EPHA6: variants seen among roughly 807,000 people sequenced by gnomAD.
EPHA6 encodes ephrin type-A receptor 6.
Under a neutral mutation model 112.0 loss-of-function variants are expected in EPHA6, and 50 were observed. The observed-to-expected ratio is 0.45, with a 90% CI of 0.36 to 0.56. EPHA6 has a LOEUF of 0.56. EPHA6 is among the 20% of genes least tolerant of loss of function. The pLI is 0.00. For missense variants in EPHA6, 1,280 were observed against 1,417.4 expected, an observed-to-expected ratio of 0.90 and a Z score of 1.56; for synonymous variants, 529 against 490.7, an observed-to-expected ratio of 1.08 and a Z score of -1.03.
chr3:96,901,025 G>C (rs963149563), intron 2 of EPHA6, among the ~76,000 whole-genome samples: 5 of 152,054 alleles, frequency 3.3e-5, no homozygotes, highest in South Asian at 2.1e-4. Flanking sequence ...AGGAAGTGGT[G>C]ATCAGTGTTG....
intron 2 of EPHA6, among the ~76,000 whole-genome samples, chr3:96,889,831 CA>C: frequency 6.6e-6 from 1 of 152,228 alleles, no homozygotes; most frequent in South Asian, 2.1e-4. Flanking sequence ...CAGGGATAGA[CA>C]AATTTACTAG....
intron 10 of EPHA6, among the ~76,000 whole-genome samples, chr3:97,524,547 G>T (rs1355334832): frequency 2.0e-5 from 3 of 151,964 alleles, no homozygotes; most frequent in East Asian, 3.9e-4. Context: ...CTCAATTTGA[G>T]TATATGTTTA....
chr3:97,722,650 A>G (rs551786332), intron 15 of EPHA6, among the ~76,000 whole-genome samples: 59 of 152,260 alleles, frequency 3.9e-4, no homozygotes, highest in African/African-American at 1.3e-3. Context: ...AATCGATAAG[A>G]GACATAGTAT....
intron 3 of EPHA6, among the ~76,000 whole-genome samples, chr3:96,988,634 T>G (rs886131963): frequency 2.0e-5 from 3 of 152,174 alleles, no homozygotes; most frequent in African/African-American, 7.2e-5. Flanking sequence ...ATGGGTGTTA[T>G]GTATGATGTT....
intron 5 of EPHA6, among the ~76,000 whole-genome samples, chr3:97,392,352 G>T (rs906253289): frequency 6.6e-6 from 1 of 151,468 alleles, no homozygotes; most frequent in Non-Finnish European, 1.5e-5. Context: ...CTTCTGTTTT[G>T]CTCTTCTTAC....
chr3:96,953,560 T>G (rs74710767), intron 2 of EPHA6, among the ~76,000 whole-genome samples: 4,278 of 152,290 alleles, frequency 0.028, 198 homozygotes, highest in African/African-American at 0.095. Flanking sequence ...TTTCCAAGTC[T>G]TCTTTTTAAA....
At chr3:97,688,741 G>GA (rs949723873) in intron 14 of EPHA6, among the ~76,000 whole-genome samples, 1 of 150,192 alleles carries the variant, frequency 6.7e-6, no homozygotes, top group Non-Finnish European at 1.5e-5. Flanking sequence ...AAAAGAACTA[G>GA]AAAAAAAAGT....
intron 6 of EPHA6, among the ~76,000 whole-genome samples, chr3:97,424,153 G>T (rs1381781048): frequency 6.6e-6 from 1 of 152,186 alleles, no homozygotes; most frequent in Admixed American, 6.5e-5. Context: ...GAGCAAGTTT[G>T]TGCATAGGAA....
At chr3:97,350,893 A>G (rs2083779437) in intron 5 of EPHA6, among the ~76,000 whole-genome samples, 1 of 152,172 alleles carries the variant, frequency 6.6e-6, no homozygotes, top group South Asian at 2.1e-4. Flanking sequence ...AACAATAGGA[A>G]GGAAAAGATA....
At chr3:97,122,961 T>C (rs935235569) in intron 3 of EPHA6, among the ~76,000 whole-genome samples, 1 of 152,044 alleles carries the variant, frequency 6.6e-6, no homozygotes, top group African/African-American at 2.4e-5. Context: ...TTTAGATCTC[T>C]TTGTATACAA....
intron 6 of EPHA6, among the ~76,000 whole-genome samples, chr3:97,444,489 G>A (rs906514293): frequency 6.6e-6 from 1 of 152,132 alleles, no homozygotes; most frequent in Non-Finnish European, 1.5e-5. Flanking sequence ...GATTACGTAA[G>A]CTACACCTAA....
At chr3:96,878,833 G>C (rs995326901) in intron 2 of EPHA6, among the ~76,000 whole-genome samples, 2 of 151,928 alleles carry the variant, frequency 1.3e-5, no homozygotes, top group Non-Finnish European at 2.9e-5. Context: ...AAGTTGAATG[G>C]TGAAAAACAT....
intron 3 of EPHA6, among the ~76,000 whole-genome samples, chr3:96,993,499 C>T (rs2043292236): frequency 6.6e-6 from 1 of 152,062 alleles, no homozygotes; most frequent in South Asian, 2.1e-4. Context: ...TCCCAAACTG[C>T]TGGGATTACA....
chr3:97,176,214 A>G (rs988192847), intron 3 of EPHA6, among the ~76,000 whole-genome samples: 2 of 151,866 alleles, frequency 1.3e-5, no homozygotes, highest in East Asian at 1.9e-4. Flanking sequence ...TTATTTGCAT[A>G]TATTGAACCA....
intron 3 of EPHA6, among the ~76,000 whole-genome samples, chr3:97,221,703 C>A (rs2078206182): frequency 6.6e-6 from 1 of 151,994 alleles, no homozygotes; most frequent in Admixed American, 6.6e-5. Context: ...TAGCATTCAC[C>A]ATTTATTTAC....
intron 2 of EPHA6, among the ~76,000 whole-genome samples, chr3:96,869,315 A>G (rs2036504386): frequency 6.6e-6 from 1 of 151,852 alleles, no homozygotes; most frequent in Non-Finnish European, 1.5e-5. Flanking sequence ...AGAATAATAA[A>G]AGGAGAGGTT....
chr3:96,949,993 CCT>C (rs2041456651), intron 2 of EPHA6, among the ~76,000 whole-genome samples: 1 of 152,098 alleles, frequency 6.6e-6, no homozygotes, highest in Non-Finnish European at 1.5e-5. Context: ...CCTTACTTTT[CCT>C]TAAAATTTAT....
chr3:97,440,373 AG>A (rs1252643178), intron 6 of EPHA6, among the ~76,000 whole-genome samples: 2 of 152,078 alleles, frequency 1.3e-5, no homozygotes, highest in Admixed American at 1.3e-4. Flanking sequence ...TTTTCTAAAG[AG>A]TTTGATTTCC....
intron 11 of EPHA6, among the ~76,000 whole-genome samples, chr3:97,542,804 G>T (rs546285143): frequency 6.6e-6 from 1 of 152,258 alleles, no homozygotes; most frequent in East Asian, 1.9e-4. Flanking sequence ...GTGTGAGATG[G>T]TATCCCATTG....
Sources: gnomAD v4.1 joint callset for allele counts (sites outside exome capture counted in the v4.1 genomes callset) on GRCh38, gnomAD v4.1.1 for gene constraint, MANE v1.5 for transcripts, NCBI Gene and HGNC (gene_info 2026-07-23, HGNC 2026-07-21) for gene names.